The following NRG3 variants were observed in gnomAD, a reference collection of about 807,000 sequenced individuals.
The protein encoded by NRG3 is neuregulin 3.
NRG3 carries 31 observed loss-of-function variants against 66.9 expected under a neutral mutation model. That is an observed-to-expected ratio of 0.46 (90% confidence interval 0.35 to 0.63). The LOEUF is 0.63. NRG3 is among the 20% of genes least tolerant of loss of function. NRG3 has a pLI of 0.00. For missense variants in NRG3, 910 were observed against 878.9 expected (o/e 1.04, Z -0.45); for synonymous variants, 393 against 359.4 (o/e 1.09, Z -1.06).
chr10:82,760,750 C>T (rs1032019116), intron 3 of NRG3, among the ~76,000 whole-genome samples: 2 of 151,918 alleles, frequency 1.3e-5, no homozygotes, highest in Non-Finnish European at 2.9e-5. Context: ...AGAAGACAGT[C>T]TTACATACAG....
At chr10:82,651,329 T>C (rs190578043) in intron 2 of NRG3, among the ~76,000 whole-genome samples, 2 of 152,320 alleles carry the variant, frequency 1.3e-5, no homozygotes, top group East Asian at 3.9e-4. Flanking sequence ...GAGATCTCCA[T>C]ATTTCCTAAT....
chr10:81,899,455 G>A (rs1589390798), intron 1 of NRG3, among the ~76,000 whole-genome samples: 1 of 152,350 alleles, frequency 6.6e-6, no homozygotes, highest in East Asian at 1.9e-4. Context: ...GTGATTGGGT[G>A]AAACATCCAT....
intron 3 of NRG3, among the ~76,000 whole-genome samples, chr10:82,833,517 G>C (rs886779344): frequency 2.6e-5 from 4 of 151,966 alleles, no homozygotes; most frequent in African/African-American, 9.7e-5. Context: ...TGCTTTCCTG[G>C]CCTCCCACCA....
At chr10:82,629,061 T>A (rs529313142) in intron 2 of NRG3, among the ~76,000 whole-genome samples, 1 of 152,262 alleles carries the variant, frequency 6.6e-6, no homozygotes, top group Non-Finnish European at 1.5e-5. Context: ...TATCTATCTT[T>A]TAGATTTGGG....
chr10:82,136,874 A>G (rs886355771), intron 1 of NRG3, among the ~76,000 whole-genome samples: 2 of 152,254 alleles, frequency 1.3e-5, no homozygotes, highest in Admixed American at 1.3e-4. Flanking sequence ...GAAGTCTCAC[A>G]ATCACTGTAC....
chr10:82,773,819 A>T (rs2059802263), intron 3 of NRG3, among the ~76,000 whole-genome samples: 1 of 152,316 alleles, frequency 6.6e-6, no homozygotes, highest in Admixed American at 6.5e-5. Flanking sequence ...TTCCCTATTG[A>T]TTATAATGTT....
At position 82,826,122 on chromosome 10, in the gene NRG3, T is replaced by G. The variant is rs371263207; in HGVS notation, c.1028-39289T>G. ...TTATATGTTTAAATTAAATTTTGAT[T>G]AGCTGTTTTAAGCTTTGTCAAGCAT... is the stretch of plus-strand genomic sequence containing the variant. On this transcript the variant is annotated intron_variant, in intron 3 of 8. Coordinates refer to ENST00000372141, the MANE Select transcript of NRG3 (RefSeq NM_001010848.4). Among the ~76,000 whole-genome samples, 4 of 152,306 alleles carry G rather than the reference T, an allele frequency of 2.6e-5. No homozygotes were observed. In the East Asian group the frequency reaches 5.8e-4, roughly 22 times the overall value.
At chr10:82,462,461 A>C (rs912130223) in intron 2 of NRG3, among the ~76,000 whole-genome samples, 1 of 152,186 alleles carries the variant, frequency 6.6e-6, no homozygotes, top group Non-Finnish European at 1.5e-5. Context: ...TCATGGAGCC[A>C]ATAAAGGACT....
At chr10:82,348,986 T>C (rs13114684) in intron 1 of NRG3, among the ~76,000 whole-genome samples, 17,546 of 151,170 alleles carry the variant, frequency 0.12, 1,804 homozygotes, top group East Asian at 0.26. Flanking sequence ...TTTTTCAAAG[T>C]TTTCAACTTC....
chr10:82,440,551 C>G (rs547951254), intron 2 of NRG3, among the ~76,000 whole-genome samples: 1 of 152,020 alleles, frequency 6.6e-6, no homozygotes, highest in Non-Finnish European at 1.5e-5. Context: ...AATTGAGATT[C>G]AGAAGCTATG....
intron 4 of NRG3, among the ~76,000 whole-genome samples, chr10:82,902,914 T>A (rs1056828628): frequency 3.3e-5 from 5 of 152,106 alleles, no homozygotes; most frequent in Non-Finnish European, 7.4e-5. Flanking sequence ...TTTGGAGATC[T>A]ATGAGTCTTT....
intron 1 of NRG3, among the ~76,000 whole-genome samples, chr10:82,173,674 A>AACACAC (rs3037392): frequency 0.11 from 16,029 of 146,434 alleles, 1,053 homozygotes; most frequent in Admixed American, 0.2. Flanking sequence ...TGCATATGTG[A>AACACAC]ACACACACAC....
intron 2 of NRG3, among the ~76,000 whole-genome samples, chr10:82,570,783 A>G (rs1049701209): frequency 2.0e-5 from 3 of 151,572 alleles, no homozygotes; most frequent in African/African-American, 2.4e-5. Flanking sequence ...CTGATCTCTG[A>G]TTTTCTGGAG....
At chr10:82,421,326 T>C (rs2136237235) in intron 2 of NRG3, among the ~76,000 whole-genome samples, 1 of 152,180 alleles carries the variant, frequency 6.6e-6, no homozygotes, top group East Asian at 1.9e-4. Flanking sequence ...TGGGAGATAA[T>C]GAGTTTTTAG....
chr10:82,952,526 T>G (rs1330742838), intron 5 of NRG3, among the ~76,000 whole-genome samples: 5 of 144,476 alleles, frequency 3.5e-5, no homozygotes, highest in Non-Finnish European at 7.6e-5. Context: ...TGTGTATTTT[T>G]CCAAATGAAC....
At chr10:82,622,684 C>A (rs1181855838) in intron 2 of NRG3, among the ~76,000 whole-genome samples, 1 of 152,168 alleles carries the variant, frequency 6.6e-6, no homozygotes, top group Non-Finnish European at 1.5e-5. Flanking sequence ...CAGCTCCCAG[C>A]CAGCCAGGCA....
chr10:81,938,016 A>G (rs548122863), intron 1 of NRG3, among the ~76,000 whole-genome samples: 1 of 152,194 alleles, frequency 6.6e-6, no homozygotes, highest in African/African-American at 2.4e-5. Flanking sequence ...CCTGTTGTGT[A>G]GTCTTGACAC....
chr10:82,313,858 A>G (rs2081163305), intron 1 of NRG3, among the ~76,000 whole-genome samples: 1 of 152,226 alleles, frequency 6.6e-6, no homozygotes, highest in Non-Finnish European at 1.5e-5. Flanking sequence ...TGTATGAGTA[A>G]GATGGAACAG....
chr10:81,885,009 A>G (rs1433631017), intron 1 of NRG3, among the ~76,000 whole-genome samples: 3 of 152,168 alleles, frequency 2.0e-5, no homozygotes, highest in Non-Finnish European at 4.4e-5. Flanking sequence ...ACTATGTTGT[A>G]CAACGGATCT....
Sources: gnomAD v4.1 joint callset for allele counts (sites outside exome capture counted in the v4.1 genomes callset) on GRCh38, gnomAD v4.1.1 for gene constraint, MANE v1.5 for transcripts, NCBI Gene and HGNC (gene_info 2026-07-23, HGNC 2026-07-21) for gene names.